Variants in ENPP1 observed in about 807,000 individuals in gnomAD.
ENPP1 encodes ectonucleotide pyrophosphatase/phosphodiesterase 1.
ENPP1 carries 73 observed loss-of-function variants against 122.8 expected under a neutral mutation model. The ratio of observed to expected loss-of-function variants is 0.59; its 90% CI spans 0.49 to 0.72. The LOEUF is 0.72. ENPP1 is among the 30% of genes least tolerant of loss of function. The pLI is 0.00. For missense variants in ENPP1, 978 were observed against 1,128.1 expected (o/e 0.87, Z 1.91); for synonymous variants, 367 against 391.6 (o/e 0.94, Z 0.74).
intron 2 of ENPP1, among the ~76,000 whole-genome samples, 189 bp from the exon 3 acceptor site, chr6:131,849,801 G>A (rs1194272879): frequency 6.6e-6 from 1 of 151,966 alleles, no homozygotes; most frequent in Non-Finnish European, 1.5e-5. Flanking sequence ...GGCACATAAG[G>A]TTACTTTCTG....
intron 6 of ENPP1, among the ~76,000 whole-genome samples, chr6:131,858,037 G>A (rs1781971898): frequency 6.6e-6 from 1 of 152,158 alleles, no homozygotes; most frequent in African/African-American, 2.4e-5. Context: ...CAATTTGAGG[G>A]ACTTTTTTAG....
intron 12 of ENPP1, 86 bp downstream of exon 12, chr6:131,868,212 G>A (rs2114710398): frequency 1.0e-6 from 1 of 965,682 alleles, no homozygotes; most frequent in Non-Finnish European, 1.7e-6. Context: ...TCTGAATGTT[G>A]TAGTTAATTC....
chr6:131,854,048 A>G (rs939845074), intron 5 of ENPP1, among the ~76,000 whole-genome samples: 8 of 152,164 alleles, frequency 5.3e-5, no homozygotes, highest in Non-Finnish European at 1.0e-4. Context: ...ATTTAAATAT[A>G]GTATCTCTCA....
intron 1 of ENPP1, among the ~76,000 whole-genome samples, chr6:131,834,490 C>T (rs1399167294): frequency 1.3e-5 from 2 of 151,528 alleles, no homozygotes; most frequent in Admixed American, 1.3e-4. Context: ...CTGTGTTCAA[C>T]CAAGAATCTT....
At chr6:131,838,093 G>A in intron 1 of ENPP1, among the ~76,000 whole-genome samples, 1 of 152,096 alleles carries the variant, frequency 6.6e-6, no homozygotes, top group East Asian at 1.9e-4. Flanking sequence ...AAGTAGAATA[G>A]ATAAAATAAA....
intron 5 of ENPP1, among the ~76,000 whole-genome samples, chr6:131,853,430 A>G (rs1781905609): frequency 6.6e-6 from 1 of 152,154 alleles, no homozygotes; most frequent in East Asian, 1.9e-4. Context: ...CCCTTTCTTT[A>G]CAAGAAGATT....
chr6:131,836,186 T>A (rs756160739), intron 1 of ENPP1, among the ~76,000 whole-genome samples: 36 of 151,962 alleles, frequency 2.4e-4, no homozygotes, highest in Non-Finnish European at 4.7e-4. Context: ...GATCTCAGTT[T>A]ACTGCAACCT....
Position 131,889,578 on chromosome 6 carries a change from G to A in ENPP1, c.2608-763G>A, listed in dbSNP as rs558325557. ...GGACATGATCTTTTATGGCTGCATAGTATTCCATGGTATACATGTACCACA... is the reference window on the plus strand; with the variant it reads ...GGACATGATCTTTTATGGCTGCATAATATTCCATGGTATACATGTACCACA... On this transcript the variant is annotated intron_variant, in intron 24 of 24. Coordinates refer to ENST00000647893, the MANE Select transcript of ENPP1 (RefSeq NM_006208.3). 3.3e-4 allele frequency among the ~76,000 whole-genome samples: 51 copies of A among 152,244 alleles called. No homozygotes were observed. The South Asian group carries it at 9.3e-3, about 28-fold the overall frequency.
chr6:131,855,531 G>C (rs749897035), intron 6 of ENPP1, among the ~76,000 whole-genome samples: 6 of 152,096 alleles, frequency 3.9e-5, no homozygotes, highest in Non-Finnish European at 8.8e-5. Context: ...TTGCCATGTT[G>C]CTCAGGCTGG....
At chr6:131,885,596 C>A (rs1246226539) in intron 23 of ENPP1, among the ~76,000 whole-genome samples, 6 of 152,056 alleles carry the variant, frequency 3.9e-5, no homozygotes, top group African/African-American at 1.4e-4. Flanking sequence ...GAAAGAACAT[C>A]TTGGAAACTG....
intron 20 of ENPP1, among the ~76,000 whole-genome samples, chr6:131,880,260 G>A (rs1001400441): frequency 3.9e-5 from 6 of 152,042 alleles, no homozygotes; most frequent in African/African-American, 7.2e-5. Flanking sequence ...AATGAGGGTC[G>A]TGCAGTAAAG....
intron 16 of ENPP1, among the ~76,000 whole-genome samples, chr6:131,874,550 T>C (rs1441707419): frequency 3.9e-5 from 6 of 152,002 alleles, no homozygotes; most frequent in Admixed American, 3.9e-4. Flanking sequence ...ACAGATGTAG[T>C]AAGGATGTGG....
Position 131,882,402 on chromosome 6 carries a change from C to G in ENPP1, c.2158C>G (p.Leu720Val), listed in dbSNP as rs1369626884. The G allele has an allele frequency of 7.5e-6, 12 of 1,603,830 alleles. No homozygotes were observed. Among genetic ancestry groups the G allele is most frequent in the Non-Finnish European group, 1.0e-5 (12 of 1,172,018 alleles). Residue 720 changes from leucine (L) to valine (V), a missense_variant, in exon 21 of 25, where the codon CTT (leucine) becomes GTT (valine). By Grantham distance (32) the Leu-to-Val change is conservative. Coordinates refer to ENST00000647893, the MANE Select transcript of ENPP1 (RefSeq NM_006208.3). The stretch of plus-strand genomic sequence containing the variant: ...TCTGTACCAGGACTTTAGAATTCCT[C>G]TTAGTCCTGTCCATAAATGTTCATT... ...NCLYQDFRIP[L>V]SPVHKCSFYK...
At chr6:131,882,576 T>A in intron 21 of ENPP1, 102 bp downstream of exon 21, 1 of 255,994 alleles carries the variant, frequency 3.9e-6, no homozygotes, top group Non-Finnish European at 7.0e-6. Flanking sequence ...TATTACCTAT[T>A]ATATATATAT....
chr6:131,863,428 C>T (rs910529072), intron 9 of ENPP1, among the ~76,000 whole-genome samples: 2 of 152,056 alleles, frequency 1.3e-5, no homozygotes, highest in Admixed American at 6.5e-5. Context: ...TATAAAATTT[C>T]GGTCACAAAA....
intron 1 of ENPP1, 73 bp from the exon 2 acceptor site, chr6:131,847,703 C>T: frequency 9.2e-7 from 1 of 1,087,140 alleles, no homozygotes; most frequent in South Asian, 1.4e-5. Flanking sequence ...AAGACACTAT[C>T]TCTAAAAATA....
intron 1 of ENPP1, among the ~76,000 whole-genome samples, chr6:131,846,223 C>T (rs1781809258): frequency 6.6e-6 from 1 of 152,188 alleles, no homozygotes; most frequent in South Asian, 2.1e-4. Flanking sequence ...TGGTCCTATT[C>T]ACCCATTCCT....
In ENPP1 at chr6:131,882,472, C is replaced by T; in HGVS notation, c.2228C>T (p.Pro743Leu). 1 of 1,604,650 alleles carries T rather than the reference C, an allele frequency of 6.2e-7. No homozygotes were observed. Among genetic ancestry groups the T allele is most frequent in the Non-Finnish European group, 8.5e-7 (1 of 1,174,328 alleles). ...GTGAGTTACGGGTTCCTCTCCCCAC[C>T]ACGTAAGTTTTTTCCTCTCCTGACC... The part of the protein sequence containing the change: ...TKVSYGFLSP[P>L]QLNKNSSGIY... The change falls in exon 21 of 25, where the codon CCA (proline) becomes CTA (leucine). Residue 743 changes from proline (P) to leucine (L), a missense_variant and splice_region_variant. Coordinates refer to ENST00000647893, the MANE Select transcript of ENPP1 (RefSeq NM_006208.3).
intron 1 of ENPP1, chr6:131,825,971 C>G: frequency 1.7e-6 from 1 of 591,404 alleles, no homozygotes; most frequent in Non-Finnish European, 3.1e-6. Context: ...ACATGAGTCT[C>G]TTCATTAGGT....
Sources: gnomAD v4.1 joint callset for allele counts (sites outside exome capture counted in the v4.1 genomes callset) on GRCh38, gnomAD v4.1.1 for gene constraint, MANE v1.5 for transcripts, NCBI Gene and HGNC (gene_info 2026-07-23, HGNC 2026-07-21) for gene names.